WDFY4: variants seen among roughly 807,000 people sequenced by gnomAD.
WDFY4 encodes WDFY family member 4.
Under a neutral mutation model 351.9 loss-of-function variants are expected in WDFY4, and 169 were observed. The observed-to-expected ratio is 0.48, with a 90% confidence interval of 0.42 to 0.55. The LOEUF is 0.55. Ranked by LOEUF, WDFY4 falls within the 20% of genes least tolerant of loss-of-function variation. WDFY4 has a pLI of 0.00. For missense variants in WDFY4, 3,803 were observed against 3,935.6 expected, an observed-to-expected ratio of 0.97 and a Z score of 0.90; for synonymous variants, 1,622 against 1,574.6, an observed-to-expected ratio of 1.03 and a Z score of -0.71.
intron 44 of WDFY4, among the ~76,000 whole-genome samples, chr10:48,897,108 G>T (rs974687554): frequency 5.9e-5 from 9 of 152,150 alleles, no homozygotes; most frequent in Non-Finnish European, 1.2e-4. Flanking sequence ...TCACCCAGGG[G>T]CCTTCTCACC....
At chr10:48,774,891 G>T (rs768881980) in intron 14 of WDFY4, among the ~76,000 whole-genome samples, 4 of 152,202 alleles carry the variant, frequency 2.6e-5, no homozygotes, top group Non-Finnish European at 4.4e-5. Context: ...TGGATCACGT[G>T]GGGGCTGGAG....
rs1381183655 is a variant in WDFY4, at chr10:48,890,554, T to G, written c.7168-25T>G. The G allele has an allele frequency of 2.6e-6, 4 of 1,551,372 alleles. No homozygotes were observed. The African/African-American group carries it at 5.5e-5, about 21-fold the overall frequency. Reference sequence around the variant, plus strand: ...ATGGGCATGCTTCCTGTGCACCACCTGACTCTGCCACTCTCTCCTTCCAGG... The same window carrying G: ...ATGGGCATGCTTCCTGTGCACCACCGGACTCTGCCACTCTCTCCTTCCAGG... On this transcript the variant is annotated intron_variant, in intron 43 of 61. Transcript: ENST00000325239.
At chr10:48,919,983 T>A (rs1436543926) in intron 47 of WDFY4, among the ~76,000 whole-genome samples, 2 of 152,182 alleles carry the variant, frequency 1.3e-5, no homozygotes, top group Non-Finnish European at 2.9e-5. Context: ...ATATTCTTCA[T>A]GAACATAGTT....
chr10:48,823,090 A>G, intron 35 of WDFY4: 1 of 1,267,238 alleles, frequency 7.9e-7, no homozygotes, highest in Non-Finnish European at 1.0e-6. Flanking sequence ...CCATCATTGA[A>G]TGTAGGTGTA....
Position 48,908,469 on chromosome 10 carries a change from G to A in WDFY4, c.7586+6606G>A, listed in dbSNP as rs914593121. Among the ~76,000 whole-genome samples, 12 of 152,286 alleles carry A rather than the reference G, an allele frequency of 7.9e-5. No individual in the cohort carries two copies. In the South Asian group the frequency reaches 2.1e-3, roughly 26 times the overall value. On this transcript the variant is annotated intron_variant, in intron 47 of 61. Coordinates refer to ENST00000325239, the MANE Select transcript of WDFY4 (RefSeq NM_001394531.1). The stretch of plus-strand genomic sequence containing the variant: ...AAATTTTAGATTAGCCGGCTGAGCC[G>A]AGGTTAAGGTGCCTGAATTGCCTTA...
intron 44 of WDFY4, among the ~76,000 whole-genome samples, chr10:48,895,811 T>C (rs12255845): frequency 0.055 from 8,419 of 152,254 alleles, 783 homozygotes; most frequent in African/African-American, 0.19. Context: ...CTGGAAAAGC[T>C]TCCTGCACAC....
intron 53 of WDFY4, 30 bp from the exon 54 acceptor site, chr10:48,963,812 G>T (rs1280792902): frequency 1.3e-6 from 2 of 1,549,920 alleles, no homozygotes; most frequent in Non-Finnish European, 1.7e-6. Flanking sequence ...AGTGGCCTGG[G>T]TTTTAATGCT....
intron 38 of WDFY4, among the ~76,000 whole-genome samples, chr10:48,831,609 T>C (rs2068191469): frequency 6.6e-6 from 1 of 152,230 alleles, no homozygotes; most frequent in African/African-American, 2.4e-5. Flanking sequence ...AGTGTATATA[T>C]ACATATCTGG....
At chr10:48,832,195 T>C (rs1215478873) in intron 38 of WDFY4, among the ~76,000 whole-genome samples, 1 of 152,256 alleles carries the variant, frequency 6.6e-6, no homozygotes, top group Non-Finnish European at 1.5e-5. Flanking sequence ...ATACTTTCTA[T>C]GTTCCAGGGT....
intron 2 of WDFY4, among the ~76,000 whole-genome samples, chr10:48,716,838 C>T (rs2063925824): frequency 1.3e-5 from 2 of 152,320 alleles, no homozygotes; most frequent in South Asian, 2.1e-4. Flanking sequence ...GTTAGAAATA[C>T]ATCGTAGCAG....
chr10:48,789,184 A>T (rs1165084489), intron 21 of WDFY4, among the ~76,000 whole-genome samples: 3 of 152,012 alleles, frequency 2.0e-5, no homozygotes, highest in Non-Finnish European at 2.9e-5. Context: ...TATTGCTGTG[A>T]TTAAAACAAC....
chr10:48,787,546 C>A (rs2066444034), intron 20 of WDFY4, among the ~76,000 whole-genome samples: 1 of 152,210 alleles, frequency 6.6e-6, no homozygotes, highest in African/African-American at 2.4e-5. Context: ...GACTTAGAGA[C>A]CAGTATGTTA....
chr10:48,697,552 A>T (rs1361320564), intron 1 of WDFY4, among the ~76,000 whole-genome samples: 1 of 152,232 alleles, frequency 6.6e-6, no homozygotes, highest in East Asian at 1.9e-4. Context: ...GCAGGTGTGC[A>T]TCTAACAAAG....
At chr10:48,701,322 C>T (rs1227557624) in intron 1 of WDFY4, among the ~76,000 whole-genome samples, 2 of 152,188 alleles carry the variant, frequency 1.3e-5, no homozygotes, top group Non-Finnish European at 2.9e-5. Context: ...TATCATTGGA[C>T]ACTGGCTTGT....
At position 48,743,526 on chromosome 10, in the gene WDFY4, C is replaced by A; in HGVS notation, c.2437C>A (p.Gln813Lys). Residue 813 changes from glutamine (Q) to lysine (K), a missense_variant, in exon 12 of 62, where the codon CAG (glutamine) becomes AAG (lysine). Around this residue, in one of 3 missense-constraint regions of WDFY4, gnomAD observed 3,054 missense variants for 3,148.6 expected, o/e 0.97. Transcript: ENST00000325239. ...TGSDPQRNFKQWPDLEERMDE... is the reference protein window; with the variant it reads ...TGSDPQRNFKKWPDLEERMDE... ...CAGTGACCCCCAACGCAACTTCAAG[C>A]AGTGGCCAGACCTGGAGGAGAGGTA... The A allele has an allele frequency of 4.6e-6, 7 of 1,537,266 alleles. No homozygotes were observed. Among genetic ancestry groups the A allele is most frequent in the Non-Finnish European group, 6.1e-6 (7 of 1,145,452 alleles).
chr10:48,896,629 C>A, intron 44 of WDFY4, among the ~76,000 whole-genome samples: 1 of 152,058 alleles, frequency 6.6e-6, no homozygotes, highest in East Asian at 1.9e-4. Flanking sequence ...TCATGCCTTG[C>A]CAGCGGCCTC....
chr10:48,951,160 C>G (rs901734614), intron 51 of WDFY4, among the ~76,000 whole-genome samples: 1 of 152,232 alleles, frequency 6.6e-6, no homozygotes, highest in African/African-American at 2.4e-5. Context: ...ATAATTGACA[C>G]ATACTTATAT....
Position 48,832,553 on chromosome 10 carries a change from C to G in WDFY4, c.6527-20C>G, listed in dbSNP as rs1314014630. The stretch of plus-strand genomic sequence containing the variant: ...GTGCTCTCACTTCACCTCTGACATT[C>G]TTTGCTTCCCTTCCCTCAGCATCTG... On this transcript the variant is annotated intron_variant, in intron 38 of 61. Coordinates refer to ENST00000325239, the MANE Select transcript of WDFY4 (RefSeq NM_001394531.1). 1 of 1,526,188 alleles carries G rather than the reference C, an allele frequency of 6.6e-7. No homozygotes were observed. Among genetic ancestry groups the G allele is most frequent in the Non-Finnish European group, 8.8e-7 (1 of 1,130,900 alleles). 94.5% of individuals were successfully genotyped at this position (1,526,188 alleles called of 1,614,324 possible). A position where few individuals can be genotyped will look rare whatever the true frequency, so the allele number is the denominator to read the frequency against.
intron 1 of WDFY4, among the ~76,000 whole-genome samples, chr10:48,688,115 T>C (rs2063102986): frequency 6.6e-6 from 1 of 152,234 alleles, no homozygotes; most frequent in African/African-American, 2.4e-5. Flanking sequence ...TGATCCATGA[T>C]AGCTCTGTTG....
Sources: allele counts gnomAD v4.1 joint callset (sites outside exome capture counted in the v4.1 genomes callset), GRCh38; gene constraint gnomAD v4.1.1; regional missense constraint gnomAD v4.1.1; transcripts MANE v1.5; gene names NCBI Gene and HGNC (gene_info 2026-07-23, HGNC 2026-07-21).